The following GATA4 variants were observed in gnomAD, a reference collection of about 807,000 sequenced individuals.
GATA4 encodes GATA binding protein 4.
GATA4 carries 7 observed loss-of-function variants against 37.9 expected under a neutral mutation model. The observed-to-expected ratio is 0.18, with a 90% confidence interval of 0.11 to 0.35. The LOEUF (loss-of-function observed/expected upper bound fraction) is 0.35. GATA4 is among the 10% of genes least tolerant of loss of function. The pLI is 1.00. For missense variants in GATA4, 647 were observed against 653.0 expected, an observed-to-expected ratio of 0.99 and a Z score of 0.10; for synonymous variants, 372 against 292.6, an observed-to-expected ratio of 1.27 and a Z score of -2.77.
Position 11,758,277 on chromosome 8 carries a change from G to T in GATA4, c.1150-16G>T. Reference sequence around the variant, plus strand: ...AGCGTCTCCATGGGCCTCATCGTGTGCTTTCTGCTTTTCAGACGTTCTCAG... The same window carrying T: ...AGCGTCTCCATGGGCCTCATCGTGTTCTTTCTGCTTTTCAGACGTTCTCAG... On this transcript the variant is annotated splice_polypyrimidine_tract_variant and intron_variant, in intron 6 of 6. Coordinates refer to ENST00000532059, the MANE Select transcript of GATA4 (RefSeq NM_001308093.3). The T allele has an allele frequency of 6.2e-7, 1 of 1,614,006 alleles. No homozygotes were observed.
At chr8:11,742,539 T>A (rs1247704375) in intron 2 of GATA4, among the ~76,000 whole-genome samples, 1 of 152,216 alleles carries the variant, frequency 6.6e-6, no homozygotes, top group Non-Finnish European at 1.5e-5. Context: ...AGCAGAGGCC[T>A]TGGACTCTGT....
In GATA4 at chr8:11,749,290, A is replaced by C. The variant is rs1802179612; in HGVS notation, c.786+205A>C. Among the ~76,000 whole-genome samples the C allele has an allele frequency of 6.6e-6, 1 of 152,218 alleles. No individual in the cohort carries two copies. The highest frequency in any genetic ancestry group is 1.5e-5 in the Non-Finnish European group (1 of 68,042). On this transcript the variant is annotated intron_variant, in intron 3 of 6. Coordinates refer to ENST00000532059, the MANE Select transcript of GATA4 (RefSeq NM_001308093.3). This position sits in a 1 kb window ranked among gnomAD's most constrained non-coding sequence, Gnocchi z 4.6. Reference sequence around the variant, plus strand: ...CTGTCTAGTTCAACCTCTTCGGCACACAGAAACTGAAAGTGAGGCTCAGAA... The same window carrying C: ...CTGTCTAGTTCAACCTCTTCGGCACCCAGAAACTGAAAGTGAGGCTCAGAA...
At chr8:11,719,200 A>G (rs1228109325) in intron 2 of GATA4, among the ~76,000 whole-genome samples, 2 of 149,112 alleles carry the variant, frequency 1.3e-5, no homozygotes, top group African/African-American at 2.5e-5. Context: ...TAGGTGGGGG[A>G]GTCCTTTTTT....
At chr8:11,745,394 T>C (rs1399571826) in intron 2 of GATA4, among the ~76,000 whole-genome samples, 1 of 122,444 alleles carries the variant, frequency 8.2e-6, no homozygotes, top group Non-Finnish European at 1.6e-5. Flanking sequence ...TACAACACAG[T>C]GAGAGCTTGT....
intron 1 of GATA4, among the ~76,000 whole-genome samples, chr8:11,682,248 A>T (rs987836628): frequency 1.3e-5 from 2 of 152,244 alleles, no homozygotes; most frequent in Non-Finnish European, 2.9e-5. Flanking sequence ...TTCTCCTGCT[A>T]CATCGTTTAT....
chr8:11,756,742 T>A, intron 5 of GATA4, 193 bp from the exon 6 acceptor site: 1 of 695,570 alleles, frequency 1.4e-6, no homozygotes, highest in Non-Finnish European at 2.5e-6. Context: ...GCCTCAAGGG[T>A]TTGAGATGAG....
intron 2 of GATA4, among the ~76,000 whole-genome samples, chr8:11,723,365 A>G (rs1800763845): frequency 6.6e-6 from 1 of 151,952 alleles, no homozygotes; most frequent in South Asian, 2.1e-4. Flanking sequence ...AAAAAACCTC[A>G]TGGGTTTAAA....
In GATA4 at chr8:11,749,001, G is replaced by C. The variant is rs55788387; in HGVS notation, c.702G>C (p.Thr234=). The change falls in exon 3 of 7, where the codon ACG becomes ACC. Residue 234 remains threonine, a synonymous_variant. Transcript: ENST00000532059. The surrounding 1 kb of genome is among the most constrained non-coding windows in gnomAD (Gnocchi z 4.6). The part of the protein sequence containing the change: ...MSTPLWRRDG[T]GHYLCNACGL... ...CCCCGCTCTGGAGGCGAGATGGGAC[G>C]GGTCACTATCTGTGCAACGCCTGCG... 3 of 1,614,084 alleles carry C rather than the reference G, an allele frequency of 1.9e-6. No homozygotes were observed. The highest frequency in any genetic ancestry group is 2.7e-5 in the African/African-American group (2 of 74,924).
chr8:11,697,086 G>C (rs998192347), intron 1 of GATA4, among the ~76,000 whole-genome samples: 2 of 152,204 alleles, frequency 1.3e-5, no homozygotes, highest in African/African-American at 2.4e-5. Flanking sequence ...CCTCCACCTA[G>C]GTGCGGAGGG....
chr8:11,681,512 G>C, intron 1 of GATA4: 1 of 960,660 alleles, frequency 1.0e-6, no homozygotes, highest in Non-Finnish European at 1.2e-6. Context: ...GGGGGGGATG[G>C]GGTCGGTCCC....
Position 11,758,375 on chromosome 8 carries a change from A to G in GATA4, c.1232A>G (p.Tyr411Cys), listed in dbSNP as rs909187176. Residue 411 changes from tyrosine (Y) to cysteine (C), a missense_variant, in exon 7 of 7, where the codon TAT becomes TGT. Physicochemically the swap from Tyr to Cys is radical, Grantham distance 194 (BLOSUM62 -2). Transcript: ENST00000532059. ...LSALKLSPQG[Y>C]ASPVSQSPQT... ...GCCCTGAAGCTCTCCCCACAAGGCT[A>G]TGCGTCTCCCGTCAGCCAGTCTCCA... The G allele has an allele frequency of 1.9e-6, 3 of 1,614,044 alleles. No homozygotes were observed. The highest frequency in any genetic ancestry group is 1.7e-5 in the Admixed American group (1 of 60,004).
intron 2 of GATA4, among the ~76,000 whole-genome samples, chr8:11,745,108 CTT>C (rs1158111704): frequency 6.6e-6 from 1 of 152,228 alleles, no homozygotes; most frequent in African/African-American, 2.4e-5. Flanking sequence ...CCTCCAGTGA[CTT>C]TACCTGGACA....
chr8:11,756,695 C>A (rs1802584774), intron 5 of GATA4: 2 of 584,100 alleles, frequency 3.4e-6, no homozygotes, highest in Admixed American at 3.0e-5. Flanking sequence ...GAGGAAGAAT[C>A]TTTTTTTAAA....
chr8:11,745,481 G>A (rs958140053), intron 2 of GATA4, among the ~76,000 whole-genome samples: 5 of 151,676 alleles, frequency 3.3e-5, no homozygotes, highest in Admixed American at 6.6e-5. Flanking sequence ...AGATACTTGG[G>A]AGGCTGAGGT....
chr8:11,752,692 T>C, intron 4 of GATA4, among the ~76,000 whole-genome samples: 1 of 152,240 alleles, frequency 6.6e-6, no homozygotes, highest in East Asian at 1.9e-4. Context: ...TATAACAGGC[T>C]GTTAAATCCA....
intron 2 of GATA4, among the ~76,000 whole-genome samples, chr8:11,732,413 G>A (rs538246904): frequency 2.2e-4 from 33 of 152,274 alleles, no homozygotes; most frequent in African/African-American, 4.8e-4. Flanking sequence ...GAGAAGCTCC[G>A]TTTCATCTAC....
chr8:11,688,296 T>A (rs1799203807), upstream of GATA4, among the ~76,000 whole-genome samples: 1 of 152,202 alleles, frequency 6.6e-6, no homozygotes, highest in Admixed American at 6.5e-5. Flanking sequence ...TTGGGAACAT[T>A]TTTTGCATTT....
chr8:11,686,405 A>G (rs1799136293), intron 1 of GATA4, among the ~76,000 whole-genome samples: 2 of 152,192 alleles, frequency 1.3e-5, no homozygotes, highest in South Asian at 2.1e-4. Flanking sequence ...TAAGTCCTAC[A>G]TTTAAAAAAA....
intron 1 of GATA4, chr8:11,698,079 C>A: frequency 2.2e-6 from 2 of 898,738 alleles, no homozygotes; most frequent in Non-Finnish European, 2.7e-6. Context: ...CAGGCCCGGC[C>A]GCTTTCTGGC....
Sources: gnomAD v4.1 joint callset for allele counts (sites outside exome capture counted in the v4.1 genomes callset) on GRCh38, gnomAD v4.1.1 for gene constraint, Gnocchi (gnomAD v3.1) non-coding constraint, MANE v1.5 for transcripts, NCBI Gene and HGNC (gene_info 2026-07-23, HGNC 2026-07-21) for gene names.